The following DNAJC15 variants were observed in gnomAD, a reference collection of about 807,000 sequenced individuals.
DNAJC15 encodes the protein dnaJ homolog subfamily C member 15.
Under a neutral mutation model 22.4 loss-of-function variants are expected in DNAJC15, and 27 were observed. The ratio of observed to expected loss-of-function variants is 1.20; its 90% CI spans 0.89 to 1.66. The LOEUF (loss-of-function observed/expected upper bound fraction) is 1.66, where lower values mean the gene tolerates loss of function less well. Ranked by LOEUF, DNAJC15 falls within the 40% of genes most tolerant of loss-of-function variation. DNAJC15 has a pLI of 0.00. For synonymous variants in DNAJC15, 79 were observed against 63.2 expected, an observed-to-expected ratio of 1.25 and a Z score of -1.19; for missense variants, 208 against 187.1, an observed-to-expected ratio of 1.11 and a Z score of -0.65.
In DNAJC15 at chr13:43,109,952, T is replaced by C. The variant is rs193264726; in HGVS notation, c.*2704T>C. The C allele has an allele frequency of 5.3e-4, 80 of 152,282 alleles. 1 individual carries two copies. The highest frequency in any genetic ancestry group is 4.7e-3 in the Admixed American group (72 of 15,306). The allele number at this position is 152,282 out of a possible 1,614,324, so 9.4% of individuals were successfully genotyped here. On this transcript the variant is annotated 3_prime_UTR_variant, in exon 6 of 6. Coordinates refer to ENST00000379221, the MANE Select transcript of DNAJC15 (RefSeq NM_013238.3). ...AGTCACGTAAATGCTTAAAAAAATGTAATTTTTACTTCTTTCACTGCCTCA... is the reference window on the plus strand; with the variant it reads ...AGTCACGTAAATGCTTAAAAAAATGCAATTTTTACTTCTTTCACTGCCTCA...
At chr13:43,088,722 ATATTG>A (rs1487013835) in intron 5 of DNAJC15, among the ~76,000 whole-genome samples, 1 of 152,220 alleles carries the variant, frequency 6.6e-6, no homozygotes, top group Admixed American at 6.5e-5. Context: ...TGATAATAAT[ATATTG>A]TAATTTCTTA....
chr13:43,043,155 G>A (rs779510916), intron 1 of DNAJC15, among the ~76,000 whole-genome samples: 4 of 152,252 alleles, frequency 2.6e-5, no homozygotes, highest in Admixed American at 6.5e-5. Context: ...CACTCAGGCC[G>A]GAGTCCAGTG....
At chr13:43,103,137 C>T (rs2040778104) in intron 5 of DNAJC15, among the ~76,000 whole-genome samples, 2 of 152,146 alleles carry the variant, frequency 1.3e-5, no homozygotes, top group African/African-American at 4.8e-5. Context: ...ATTGTGATAT[C>T]TTCCTTGACG....
intron 5 of DNAJC15, among the ~76,000 whole-genome samples, chr13:43,105,790 G>A (rs1272309045): frequency 6.6e-6 from 1 of 152,166 alleles, no homozygotes; most frequent in Non-Finnish European, 1.5e-5. Flanking sequence ...AATTTAAACA[G>A]CTTACCACAT....
intron 3 of DNAJC15, among the ~76,000 whole-genome samples, 172 bp from the exon 4 acceptor site, chr13:43,078,440 A>G (rs2040645781): frequency 6.6e-6 from 1 of 152,124 alleles, no homozygotes; most frequent in South Asian, 2.1e-4. Context: ...AAGACTTCAT[A>G]TTGGTCAAAA....
At chr13:43,094,331 T>A (rs942051197) in intron 5 of DNAJC15, among the ~76,000 whole-genome samples, 1 of 152,216 alleles carries the variant, frequency 6.6e-6, no homozygotes, top group Non-Finnish European at 1.5e-5. Context: ...GTCAGCAGCT[T>A]CCCCTGGGCA....
At chr13:43,068,870 A>G (rs1385751378) in intron 2 of DNAJC15, 60 bp from the exon 3 acceptor site, 10 of 1,387,158 alleles carry the variant, frequency 7.2e-6, no homozygotes, top group Non-Finnish European at 1.0e-5. Context: ...AGCACTTTGA[A>G]GGTGTTGATT....
intron 4 of DNAJC15, among the ~76,000 whole-genome samples, chr13:43,082,015 C>T (rs1025341382): frequency 8.5e-5 from 13 of 152,184 alleles, no homozygotes; most frequent in African/African-American, 3.1e-4. Flanking sequence ...GAGACTTAGT[C>T]ACTATCATGA....
intron 1 of DNAJC15, among the ~76,000 whole-genome samples, chr13:43,062,637 A>G (rs1403011256): frequency 2.0e-5 from 3 of 152,256 alleles, no homozygotes; most frequent in Admixed American, 2.0e-4. Flanking sequence ...GGAGGCAACT[A>G]TTTCATCTTT....
intron 1 of DNAJC15, among the ~76,000 whole-genome samples, chr13:43,049,237 A>T (rs2040492089): frequency 6.6e-6 from 1 of 152,190 alleles, no homozygotes; most frequent in Non-Finnish European, 1.5e-5. Context: ...TGCCTGATTC[A>T]CCATTTTACT....
At chr13:43,073,773 CTT>C (rs1240474783) in intron 3 of DNAJC15, among the ~76,000 whole-genome samples, 12 of 151,814 alleles carry the variant, frequency 7.9e-5, no homozygotes, top group Admixed American at 7.2e-4. Context: ...TTTACAGTGT[CTT>C]TACTCATTTC....
At chr13:43,104,863 A>G (rs1472181108) in intron 5 of DNAJC15, among the ~76,000 whole-genome samples, 4 of 150,382 alleles carry the variant, frequency 2.7e-5, no homozygotes, top group Admixed American at 2.7e-4. Flanking sequence ...TAATTTTTTA[A>G]TTTTTTGTAG....
At chr13:43,091,702 A>G (rs1238354745) in intron 5 of DNAJC15, among the ~76,000 whole-genome samples, 1 of 151,044 alleles carries the variant, frequency 6.6e-6, no homozygotes, top group Non-Finnish European at 1.5e-5. Context: ...TCTTTTTCTA[A>G]TTTTTTGAAA....
intron 5 of DNAJC15, among the ~76,000 whole-genome samples, chr13:43,100,544 A>G (rs1435010683): frequency 6.6e-6 from 1 of 152,062 alleles, no homozygotes; most frequent in South Asian, 2.1e-4. Context: ...ATTTATAGCA[A>G]TAAATTTCTC....
rs1183225579 is a variant in DNAJC15 at position 43,113,039 on chromosome 13, G to A, written c.*5791G>A. 1 of 152,180 alleles carries A rather than the reference G, an allele frequency of 6.6e-6. No homozygotes were observed. The highest frequency in any genetic ancestry group is 6.6e-5 in the Admixed American group (1 of 15,264). The allele number at this position is 152,180 out of a possible 1,614,324, so 9.4% of individuals were successfully genotyped here. On this transcript the variant is annotated 3_prime_UTR_variant, in exon 6 of 6. Coordinates refer to ENST00000379221, the MANE Select transcript of DNAJC15 (RefSeq NM_013238.3). ...AAGTTCTGTTGTAAAGTTTAGCAGA[G>A]TGACTTTCTTTGACTCAGAGTGATG...
At chr13:43,024,218 G>T (rs1380932550) in intron 1 of DNAJC15, among the ~76,000 whole-genome samples, 5 of 152,060 alleles carry the variant, frequency 3.3e-5, no homozygotes, top group African/African-American at 1.2e-4. Flanking sequence ...CACAGAAACA[G>T]GGCCCAGTTG....
intron 1 of DNAJC15, among the ~76,000 whole-genome samples, chr13:43,025,829 AG>A (rs2040378219): frequency 1.3e-5 from 2 of 152,282 alleles, no homozygotes; most frequent in Admixed American, 6.5e-5. Context: ...GCTTGAACCC[AG>A]GGGGCAGAGG....
chr13:43,059,426 T>A (rs1001053918), intron 1 of DNAJC15, among the ~76,000 whole-genome samples: 1 of 152,092 alleles, frequency 6.6e-6, no homozygotes, highest in South Asian at 2.1e-4. Context: ...CAGGCTGGAG[T>A]GCAACGGCGC....
intron 1 of DNAJC15, among the ~76,000 whole-genome samples, chr13:43,044,784 T>C (rs1439206719): frequency 6.6e-6 from 1 of 152,038 alleles, no homozygotes; most frequent in Admixed American, 6.6e-5. Context: ...CCTATTGGCC[T>C]TACCTCCGAA....
Sources: allele counts gnomAD v4.1 joint callset (sites outside exome capture counted in the v4.1 genomes callset), GRCh38; gene constraint gnomAD v4.1.1; transcripts MANE v1.5; gene names NCBI Gene and HGNC (gene_info 2026-07-23, HGNC 2026-07-21).